The following GPR39 variants were observed in gnomAD, a reference collection of about 807,000 sequenced individuals.
GPR39 encodes G protein-coupled receptor 39.
Under a neutral mutation model 18.4 loss-of-function variants are expected in GPR39, and 23 were observed. The observed-to-expected ratio is 1.25, with a 90% confidence interval of 0.90 to 1.77. The LOEUF (loss-of-function observed/expected upper bound fraction) is 1.77, where lower values mean the gene tolerates loss of function less well. Ranked by LOEUF, GPR39 falls within the 40% of genes most tolerant of loss-of-function variation. The pLI is 0.00. For synonymous variants in GPR39, 280 were observed against 257.9 expected, an observed-to-expected ratio of 1.09 and a Z score of -0.82; for missense variants, 647 against 602.4, an observed-to-expected ratio of 1.07 and a Z score of -0.78.
At chr2:132,564,817 T>TTTTTTTTC (rs1300390554) in intron 1 of GPR39, among the ~76,000 whole-genome samples, 1 of 130,758 alleles carries the variant, frequency 7.6e-6, no homozygotes, top group Non-Finnish European at 1.6e-5. Flanking sequence ...TTTCTTTTTT[T>TTTTTTTTC]TTTTTTTTTT....
intron 1 of GPR39, among the ~76,000 whole-genome samples, chr2:132,536,789 T>G (rs1474246574): frequency 6.6e-6 from 1 of 152,258 alleles, no homozygotes. Context: ...AGTTTGCACT[T>G]CTTGTTGAAT....
In GPR39 at chr2:132,548,151, C is replaced by G. The variant is rs796378781; in HGVS notation, c.857-96950C>G. Among the ~76,000 whole-genome samples the G allele has an allele frequency of 2.6e-5, 4 of 152,316 alleles. No individual in the cohort carries two copies. In the South Asian group the frequency reaches 8.3e-4, roughly 32 times the overall value. ...CTTTCTCCTCACTGTTTAAACCTTT[C>G]AAGGATGTAATAGTCTGGCAAATAT... On this transcript the variant is annotated intron_variant, in intron 1 of 1. Coordinates refer to ENST00000329321, the MANE Select transcript of GPR39 (RefSeq NM_001508.3).
chr2:132,553,117 G>A (rs910124980), intron 1 of GPR39, among the ~76,000 whole-genome samples: 8 of 150,896 alleles, frequency 5.3e-5, no homozygotes, highest in Non-Finnish European at 8.8e-5. Flanking sequence ...GTAGAGATGG[G>A]GTTTTGCCAT....
chr2:132,474,984 A>T (rs1681099461), intron 1 of GPR39, among the ~76,000 whole-genome samples: 1 of 152,206 alleles, frequency 6.6e-6, no homozygotes, highest in Admixed American at 6.5e-5. Flanking sequence ...CCACTCTAAC[A>T]GTTCCATCCC....
chr2:132,561,241 G>A (rs987887250), intron 1 of GPR39, among the ~76,000 whole-genome samples: 1 of 152,020 alleles, frequency 6.6e-6, no homozygotes, highest in Non-Finnish European at 1.5e-5. Flanking sequence ...TTTCAAAACA[G>A]ATTCCTTCTT....
intron 1 of GPR39, among the ~76,000 whole-genome samples, chr2:132,533,371 C>G (rs1393972514): frequency 6.7e-6 from 1 of 150,132 alleles, no homozygotes; most frequent in Non-Finnish European, 1.5e-5. Context: ...GAAGAACATT[C>G]CATGCTCATG....
chr2:132,608,597 G>C (rs1351550239), intron 1 of GPR39, among the ~76,000 whole-genome samples: 1 of 152,216 alleles, frequency 6.6e-6, no homozygotes, highest in African/African-American at 2.4e-5. Context: ...CTGCTAAGCA[G>C]GTACAGATGC....
At chr2:132,500,530 C>T (rs1679006945) in intron 1 of GPR39, among the ~76,000 whole-genome samples, 1 of 152,030 alleles carries the variant, frequency 6.6e-6, no homozygotes, top group South Asian at 2.1e-4. Flanking sequence ...GGATATTGGT[C>T]TGTATTTTTC....
intron 1 of GPR39, among the ~76,000 whole-genome samples, chr2:132,509,740 G>A (rs1233816760): frequency 1.3e-5 from 2 of 152,144 alleles, no homozygotes; most frequent in Non-Finnish European, 2.9e-5. Flanking sequence ...CACTGGCATT[G>A]TGCATGTGGT....
chr2:132,596,204 T>C (rs1680944118), intron 1 of GPR39, among the ~76,000 whole-genome samples: 1 of 152,188 alleles, frequency 6.6e-6, no homozygotes, highest in Admixed American at 6.5e-5. Flanking sequence ...GACTACAAAG[T>C]GCTGTTGTCT....
intron 1 of GPR39, among the ~76,000 whole-genome samples, chr2:132,612,320 T>A (rs1681251895): frequency 6.6e-6 from 1 of 150,736 alleles, no homozygotes; most frequent in Non-Finnish European, 1.5e-5. Context: ...CTCCCCTCAG[T>A]CTTGAATAAT....
chr2:132,489,826 G>A (rs1481781721), intron 1 of GPR39, among the ~76,000 whole-genome samples: 1 of 151,810 alleles, frequency 6.6e-6, no homozygotes, highest in Admixed American at 6.6e-5. Context: ...AAATGTATTT[G>A]TATTAAATTT....
intron 1 of GPR39, among the ~76,000 whole-genome samples, chr2:132,548,693 A>G (rs1356318970): frequency 6.6e-6 from 1 of 152,202 alleles, no homozygotes; most frequent in Non-Finnish European, 1.5e-5. Flanking sequence ...CAGTTTCCTC[A>G]ACTGCAAAAT....
chr2:132,563,893 G>C (rs1323359160), intron 1 of GPR39, among the ~76,000 whole-genome samples: 1 of 152,148 alleles, frequency 6.6e-6, no homozygotes, highest in Non-Finnish European at 1.5e-5. Context: ...GAGGTGCCTG[G>C]GTCCCCCCAC....
At chr2:132,578,668 A>C (rs1174437986) in intron 1 of GPR39, among the ~76,000 whole-genome samples, 4 of 151,978 alleles carry the variant, frequency 2.6e-5, no homozygotes, top group Non-Finnish European at 4.4e-5. Context: ...AATAGACTTA[A>C]CCACTATTCA....
At chr2:132,526,111 A>G (rs571148445) in intron 1 of GPR39, among the ~76,000 whole-genome samples, 6 of 152,286 alleles carry the variant, frequency 3.9e-5, no homozygotes, top group African/African-American at 1.4e-4. Flanking sequence ...ATATGAGGCT[A>G]TTTATGGTAT....
chr2:132,469,740 C>T (rs1476589460), intron 1 of GPR39, among the ~76,000 whole-genome samples: 1 of 152,152 alleles, frequency 6.6e-6, no homozygotes, highest in African/African-American at 2.4e-5. Flanking sequence ...ATCCAGAGGG[C>T]CCATTACTGT....
rs147611337 is a variant in GPR39 at position 132,483,254 on chromosome 2, T to A, written c.856+65356T>A. Reference sequence around the variant, plus strand: ...TGTTGTCATTGTTATGACAGAGCGATCAGCACTGAATGTTTAGGGCAAGTA... The same window carrying A: ...TGTTGTCATTGTTATGACAGAGCGAACAGCACTGAATGTTTAGGGCAAGTA... On this transcript the variant is annotated intron_variant, in intron 1 of 1. Coordinates refer to ENST00000329321, the MANE Select transcript of GPR39 (RefSeq NM_001508.3). Among the ~76,000 whole-genome samples the A allele has an allele frequency of 5.3e-3, 807 of 152,326 alleles. 4 individuals carry two copies. The highest frequency in any genetic ancestry group is 8.7e-3 in the Non-Finnish European group (595 of 68,030).
intron 1 of GPR39, among the ~76,000 whole-genome samples, chr2:132,557,083 A>AGGG (rs34244350): frequency 6.6e-6 from 1 of 151,228 alleles, no homozygotes; most frequent in African/African-American, 2.4e-5. Flanking sequence ...TGGGAGGCCA[A>AGGG]GGGGGGGGGC....
Sources: gnomAD v4.1 joint callset for allele counts (sites outside exome capture counted in the v4.1 genomes callset) on GRCh38, gnomAD v4.1.1 for gene constraint, MANE v1.5 for transcripts, NCBI Gene and HGNC (gene_info 2026-07-23, HGNC 2026-07-21) for gene names.